Variants in PARP14 observed in about 807,000 individuals in gnomAD.
The protein encoded by PARP14 is poly(ADP-ribose) polymerase family member 14, also known as protein mono-ADP-ribosyltransferase PARP14.
Under a neutral mutation model 154.2 loss-of-function variants are expected in PARP14, and 59 were observed. That is an observed-to-expected ratio of 0.38 (90% CI 0.31 to 0.48). The LOEUF (loss-of-function observed/expected upper bound fraction) is 0.48. PARP14 is among the 20% of genes least tolerant of loss of function. The probability of loss-of-function intolerance (pLI) is 0.98; values close to 1 mark genes in which losing one functional copy is unlikely to be tolerated. For synonymous variants in PARP14, 720 were observed against 780.5 expected (o/e 0.92, Z 1.29); for missense variants, 1,734 against 2,131.6 (o/e 0.81, Z 3.67).
rs1177122266 is a variant in PARP14 at position 122,692,485 on chromosome 3, T to A, written c.540T>A (p.Phe180Leu). 3 of 1,613,092 alleles carry A rather than the reference T, an allele frequency of 1.9e-6. No individual in the cohort carries two copies. The highest frequency in any genetic ancestry group is 2.5e-6 in the Non-Finnish European group (3 of 1,179,150). ...ENISGLSNDD[F>L]QVEIIRDFDV... is the part of the protein sequence containing the mutation. ...TAAGTGGCCTGTCTAATGATGACTT[T>A]CAAGTGGAAATAATAAGAGATTTTG... The change falls in exon 4 of 17, where the codon TTT becomes TTA. Residue 180 changes from phenylalanine to leucine, a missense_variant. Coordinates refer to ENST00000474629, the MANE Select transcript of PARP14 (RefSeq NM_017554.3).
intron 8 of PARP14, among the ~76,000 whole-genome samples, chr3:122,706,933 A>G (rs953036020): frequency 1.3e-5 from 2 of 152,180 alleles, no homozygotes; most frequent in African/African-American, 4.8e-5. Flanking sequence ...ATAGGAAATT[A>G]AAAACGGAAG....
Position 122,708,210 on chromosome 3 carries a change from C to A in PARP14, c.3561C>A (p.Ala1187=). 1 of 1,567,650 alleles carries A rather than the reference C, an allele frequency of 6.4e-7. No individual in the cohort carries two copies. Among genetic ancestry groups the A allele is most frequent in the Non-Finnish European group, 8.7e-7 (1 of 1,152,060 alleles). The change falls in exon 9 of 17, where the codon GCC becomes GCA. Residue 1187 remains alanine (A), a synonymous_variant. Transcript: ENST00000474629. The part of the protein sequence containing the change: ...ENIQAFSDEF[A]RRANGNLVSD... ...TTCAGGCATTTTCAGATGAATTTGC[C>A]AGAAGGGCTAATGGAAATCTCGTCA...
Position 122,713,525 on chromosome 3 carries a change from G to A in PARP14, c.3721G>A (p.Ala1241Thr), listed in dbSNP as rs1576597141. Residue 1241 changes from alanine to threonine, a missense_variant, in exon 10 of 17, where the codon GCA becomes ACA. By Grantham distance (58) the Ala-to-Thr change is moderately conservative. Around this residue, in one of 2 missense-constraint regions of PARP14, gnomAD observed 1,646 missense variants for 1,976.0 expected, o/e 0.83. Transcript: ENST00000474629. ...TTCTGGAGATATCACGAAAGAAGAG[G>A]CAGATGTGATTGTAAATTCAACATC... ...VASGDITKEE[A>T]DVIVNSTSNS... 6.2e-7 allele frequency: 1 copy of A among 1,613,686 alleles called. No individual in the cohort carries two copies. The highest frequency in any genetic ancestry group is 8.5e-7 in the Non-Finnish European group (1 of 1,179,642).
intron 15 of PARP14, among the ~76,000 whole-genome samples, chr3:122,723,460 C>T (rs1158521095): frequency 6.6e-6 from 1 of 152,140 alleles, no homozygotes. Flanking sequence ...CTGGATCTGT[C>T]ATGCCTTGAT....
intron 12 of PARP14, 111 bp from the exon 13 acceptor site, chr3:122,717,960 G>A (rs1933039499): frequency 2.6e-6 from 2 of 765,060 alleles, no homozygotes; most frequent in African/African-American, 3.5e-5. Context: ...AATGATGAAA[G>A]AATTGAGGAG....
chr3:122,686,302 T>G (rs546070424), intron 2 of PARP14, among the ~76,000 whole-genome samples: 1 of 148,250 alleles, frequency 6.7e-6, no homozygotes, highest in South Asian at 2.2e-4. Context: ...TGTAGGCACA[T>G]GCCACCACAC....
At chr3:122,692,572 G>A in intron 4 of PARP14, 29 bp downstream of exon 4, 1 of 1,583,234 alleles carries the variant, frequency 6.3e-7, no homozygotes, top group Non-Finnish European at 8.6e-7. Context: ...TCCTCTGCCT[G>A]TCTTCTTTGT....
In PARP14 at chr3:122,700,950, C is replaced by T. The variant is rs199869051; in HGVS notation, c.2396C>T (p.Ala799Val). ...GQKCFSRTVL[A>V]PGVVLIVQQG... is the part of the protein sequence containing the mutation. ...AAGTGCTTCTCTCGGACAGTCTTGG[C>T]CCCTGGCGTTGTGCTGATTGTGCAG... The change falls in exon 6 of 17, where the codon GCC becomes GTC. Residue 799 changes from alanine (A) to valine (V), a missense_variant. Coordinates refer to ENST00000474629, the MANE Select transcript of PARP14 (RefSeq NM_017554.3). The T allele has an allele frequency of 1.2e-6, 2 of 1,614,004 alleles. No individual in the cohort carries two copies. Among genetic ancestry groups the T allele is most frequent in the East Asian group, 4.5e-5 (2 of 44,894 alleles).
At chr3:122,711,783 GT>G (rs1939325661) in intron 9 of PARP14, among the ~76,000 whole-genome samples, 1 of 151,922 alleles carries the variant, frequency 6.6e-6, no homozygotes, top group Admixed American at 6.6e-5. Flanking sequence ...TCTGTTCAAG[GT>G]TTCTGTTTCT....
At position 122,701,379 on chromosome 3, in the gene PARP14, A is replaced by T; in HGVS notation, c.2825A>T (p.Lys942Met). The T allele has an allele frequency of 6.2e-7, 1 of 1,614,066 alleles. No individual in the cohort carries two copies. The highest frequency in any genetic ancestry group is 8.5e-7 in the Non-Finnish European group (1 of 1,179,886). Residue 942 changes from lysine (K) to methionine (M), a missense_variant, in exon 6 of 17, where the codon AAG becomes ATG. Transcript: ENST00000474629. This position sits in a 1 kb window ranked among gnomAD's most constrained non-coding sequence, Gnocchi z 4.0. ...RCVETIVSAIKENFQFKKDGH... is the reference protein window; with the variant it reads ...RCVETIVSAIMENFQFKKDGH... Reference sequence around the variant, plus strand: ...GTGGAGACCATTGTTTCTGCCATCAAGGAAAACTTCCAATTCAAGAAGGAT... The same window carrying T: ...GTGGAGACCATTGTTTCTGCCATCATGGAAAACTTCCAATTCAAGAAGGAT...
chr3:122,685,777 G>T (rs997079147), intron 2 of PARP14, among the ~76,000 whole-genome samples: 3 of 151,932 alleles, frequency 2.0e-5, no homozygotes, highest in Admixed American at 1.3e-4. Context: ...CAAAGTGCTG[G>T]GATTACAGTC....
rs1016002123 is a variant in PARP14 at position 122,683,204 on chromosome 3, A to G, written c.188-1981A>G. Reference sequence around the variant, plus strand: ...ACTTTCTCAGTAACAAGGGTCAGGAATTTGCTAACAATGAATGACCTACGC... The same window carrying G: ...ACTTTCTCAGTAACAAGGGTCAGGAGTTTGCTAACAATGAATGACCTACGC... On this transcript the variant is annotated intron_variant, in intron 1 of 16. Transcript: ENST00000474629. 3 of 578,876 alleles carry G rather than the reference A, an allele frequency of 5.2e-6. No homozygotes were observed. The African/African-American group carries it at 6.1e-5, about 12-fold the overall frequency. 35.9% of individuals were successfully genotyped at this position (578,876 alleles called of 1,614,324 possible).
At chr3:122,720,157 G>A in intron 14 of PARP14, 98 bp from the exon 15 acceptor site, 1 of 1,203,470 alleles carries the variant, frequency 8.3e-7, no homozygotes, top group South Asian at 1.4e-5. Flanking sequence ...CTCTTTGAAT[G>A]CTTAGAATTG....
intron 3 of PARP14, among the ~76,000 whole-genome samples, chr3:122,691,273 C>T (rs150666465): frequency 3.0e-4 from 46 of 152,224 alleles, no homozygotes; most frequent in African/African-American, 9.1e-4. Context: ...GTCTTGAACA[C>T]GATAAGAGTC....
At chr3:122,683,613 G>A (rs1459449138) in intron 1 of PARP14, among the ~76,000 whole-genome samples, 1 of 152,174 alleles carries the variant, frequency 6.6e-6, no homozygotes, top group Non-Finnish European at 1.5e-5. Flanking sequence ...AAATGTTGAT[G>A]ATCTAAAGTT....
At chr3:122,716,791 G>C (rs1933013312) in intron 12 of PARP14, among the ~76,000 whole-genome samples, 1 of 152,032 alleles carries the variant, frequency 6.6e-6, no homozygotes, top group South Asian at 2.1e-4. Flanking sequence ...CTCAAAACTA[G>C]GTCTGTTCTG....
At chr3:122,704,102 G>A (rs560659678) in intron 7 of PARP14, 124 bp downstream of exon 7, 1 of 682,324 alleles carries the variant, frequency 1.5e-6, no homozygotes, top group East Asian at 2.7e-5. Context: ...CACTCTTTTG[G>A]CAGATTCCAT....
intron 1 of PARP14, among the ~76,000 whole-genome samples, chr3:122,682,928 G>A (rs1038742214): frequency 1.3e-5 from 2 of 152,066 alleles, no homozygotes; most frequent in Admixed American, 6.6e-5. Context: ...GGTGGTGTGC[G>A]CCTATAGTCC....
chr3:122,721,143 T>C (rs971822749), intron 15 of PARP14: 17 of 323,922 alleles, frequency 5.2e-5, no homozygotes, highest in African/African-American at 3.8e-4. Flanking sequence ...CCATTTATGC[T>C]TAAACGGTCT....
Sources: allele counts gnomAD v4.1 joint callset (sites outside exome capture counted in the v4.1 genomes callset), GRCh38; gene constraint gnomAD v4.1.1; regional missense constraint gnomAD v4.1.1; non-coding constraint Gnocchi (gnomAD v3.1); transcripts MANE v1.5; gene names NCBI Gene and HGNC (gene_info 2026-07-23, HGNC 2026-07-21).